Variants in JARID2 observed in about 807,000 individuals in gnomAD.
JARID2 encodes the protein jumonji and AT-rich interaction domain containing 2.
JARID2 carries 21 observed loss-of-function variants against 125.6 expected under a neutral mutation model. The observed-to-expected ratio is 0.17, with a 90% CI of 0.12 to 0.24. JARID2 has a LOEUF of 0.24. Ranked by LOEUF, JARID2 falls within the 10% of genes least tolerant of loss-of-function variation. JARID2 has a pLI of 1.00. For synonymous variants in JARID2, 736 were observed against 661.6 expected (o/e 1.11, Z -1.73); for missense variants, 1,303 against 1,639.6 (o/e 0.79, Z 3.55).
At chr6:15,436,995 G>GC (rs1561862078) in intron 3 of JARID2, among the ~76,000 whole-genome samples, 1 of 152,014 alleles carries the variant, frequency 6.6e-6, no homozygotes, top group African/African-American at 2.4e-5. Context: ...GCATATCCAG[G>GC]TCCTTCTTAG....
At chr6:15,317,153 AT>A (rs548850420) in intron 1 of JARID2, among the ~76,000 whole-genome samples, 88 of 152,134 alleles carry the variant, frequency 5.8e-4, no homozygotes, top group Non-Finnish European at 1.0e-3. Flanking sequence ...TAGCAGTAGA[AT>A]TTTTTTTCAT....
chr6:15,441,662 G>A (rs1767450040), intron 3 of JARID2, among the ~76,000 whole-genome samples: 1 of 152,154 alleles, frequency 6.6e-6, no homozygotes, highest in Non-Finnish European at 1.5e-5. Context: ...TTGGTCTGTC[G>A]TGTGCTGAAT....
intron 4 of JARID2, among the ~76,000 whole-genome samples, chr6:15,456,347 A>G (rs1034381172): frequency 6.6e-6 from 1 of 152,108 alleles, no homozygotes; most frequent in African/African-American, 2.4e-5. Context: ...GATAAAATTT[A>G]CTTCTTTTAG....
At chr6:15,508,191 G>A in intron 11 of JARID2, 149 bp from the exon 12 acceptor site, 1 of 609,356 alleles carries the variant, frequency 1.6e-6, no homozygotes, top group Admixed American at 2.7e-5. Flanking sequence ...GAAAGAGTAG[G>A]TACCTTCTGC....
chr6:15,368,328 T>C (rs1005992041), intron 1 of JARID2, among the ~76,000 whole-genome samples: 1 of 152,168 alleles, frequency 6.6e-6, no homozygotes, highest in Non-Finnish European at 1.5e-5. Context: ...TTTGGTTGGA[T>C]TGGATCCTTC....
rs1763334908 is a variant in JARID2, at chr6:15,348,885, A to T, written c.46-25232A>T. On this transcript the variant is annotated intron_variant, in intron 1 of 17. Coordinates refer to ENST00000341776, the MANE Select transcript of JARID2 (RefSeq NM_004973.4). ...GAGGTGGAGGCGGATGAATTAAGCC[A>T]ATTAATTGGAAAAGAAATACTTACT... 2.0e-5 allele frequency among the ~76,000 whole-genome samples: 3 copies of T among 152,204 alleles called. No homozygotes were observed. The South Asian group carries it at 6.2e-4, about 32-fold the overall frequency.
chr6:15,444,725 G>A (rs1175032358), intron 3 of JARID2, among the ~76,000 whole-genome samples: 3 of 145,110 alleles, frequency 2.1e-5, no homozygotes, highest in African/African-American at 5.2e-5. Flanking sequence ...TGCCAGACAC[G>A]AACTGTCTGA....
At chr6:15,251,257 C>CT (rs1450059614) in intron 1 of JARID2, among the ~76,000 whole-genome samples, 1 of 152,214 alleles carries the variant, frequency 6.6e-6, no homozygotes, top group Non-Finnish European at 1.5e-5. Context: ...CTCAGGTGAT[C>CT]TGCCCGCCTT....
At chr6:15,295,813 G>A (rs1393254437) in intron 1 of JARID2, among the ~76,000 whole-genome samples, 1 of 152,098 alleles carries the variant, frequency 6.6e-6, no homozygotes, top group South Asian at 2.1e-4. Context: ...ACAGGTGTGC[G>A]CCACCATGCA....
chr6:15,440,834 T>A lies in JARID2; in HGVS notation c.324-11172T>A, dbSNP rs185696212. Among the ~76,000 whole-genome samples the A allele has an allele frequency of 2.7e-4, 41 of 152,364 alleles. 1 individual carries two copies. Among genetic ancestry groups the A allele is most frequent in the African/African-American group, 6.5e-4 (27 of 41,590 alleles). On this transcript the variant is annotated intron_variant, in intron 3 of 17. Coordinates refer to ENST00000341776, the MANE Select transcript of JARID2 (RefSeq NM_004973.4). ...GTTCATTAGCTATTAGCAGATTTTT[T>A]AAATTATGATTGTGTTTCCTTATCT...
chr6:15,509,790 G>A (rs1209268115), intron 12 of JARID2, among the ~76,000 whole-genome samples: 1 of 152,198 alleles, frequency 6.6e-6, no homozygotes, highest in African/African-American at 2.4e-5. Context: ...TTGACGTTGA[G>A]TCACAGATAG....
chr6:15,421,396 A>G (rs1766483287), intron 3 of JARID2, among the ~76,000 whole-genome samples: 1 of 151,384 alleles, frequency 6.6e-6, no homozygotes, highest in Non-Finnish European at 1.5e-5. Flanking sequence ...CTTTTCATTT[A>G]GTTTTGTTAG....
chr6:15,402,986 G>A (rs190514701), intron 2 of JARID2, among the ~76,000 whole-genome samples: 4 of 152,084 alleles, frequency 2.6e-5, no homozygotes, highest in Non-Finnish European at 5.9e-5. Context: ...AGCATCGTGG[G>A]TGTTTATAAT....
intron 3 of JARID2, among the ~76,000 whole-genome samples, chr6:15,418,603 A>G (rs1766345543): frequency 6.6e-6 from 1 of 152,256 alleles, no homozygotes; most frequent in Non-Finnish European, 1.5e-5. Context: ...TAACTAGTAC[A>G]GAAGTACCGA....
intron 1 of JARID2, among the ~76,000 whole-genome samples, chr6:15,314,007 A>G (rs1762100753): frequency 6.6e-6 from 1 of 152,094 alleles, no homozygotes. Context: ...TGGGGAGAGG[A>G]TACTGCATCT....
At chr6:15,261,432 C>T (rs947540963) in intron 1 of JARID2, among the ~76,000 whole-genome samples, 1 of 151,778 alleles carries the variant, frequency 6.6e-6, no homozygotes, top group Non-Finnish European at 1.5e-5. Flanking sequence ...CTTCTCTTGC[C>T]TCAGCCTCCC....
intron 4 of JARID2, among the ~76,000 whole-genome samples, chr6:15,458,418 G>A (rs1278216850): frequency 1.3e-5 from 2 of 152,148 alleles, no homozygotes; most frequent in African/African-American, 2.4e-5. Flanking sequence ...GTGTTATTAT[G>A]GGGAGTTCCT....
At chr6:15,390,366 G>A (rs1052808395) in intron 2 of JARID2, among the ~76,000 whole-genome samples, 1 of 152,042 alleles carries the variant, frequency 6.6e-6, no homozygotes, top group African/African-American at 2.4e-5. Flanking sequence ...TCCGTTCATC[G>A]CCGCACTGCC....
At chr6:15,340,694 T>C (rs1581431888) in intron 1 of JARID2, among the ~76,000 whole-genome samples, 1 of 152,242 alleles carries the variant, frequency 6.6e-6, no homozygotes, top group Admixed American at 6.5e-5. Flanking sequence ...GATGGTAGAG[T>C]TAGATTTATG....
Sources: gnomAD v4.1 joint callset for allele counts (sites outside exome capture counted in the v4.1 genomes callset) on GRCh38, gnomAD v4.1.1 for gene constraint, MANE v1.5 for transcripts, NCBI Gene and HGNC (gene_info 2026-07-23, HGNC 2026-07-21) for gene names.